The following KHDRBS2 variants were observed in gnomAD, a reference collection of about 807,000 sequenced individuals.
The protein encoded by KHDRBS2 is KH RNA binding domain containing, signal transduction associated 2.
In KHDRBS2, 26 loss-of-function variants were observed where a neutral mutation model predicts 44.3. The ratio of observed to expected loss-of-function variants is 0.59; its 90% CI spans 0.43 to 0.81. KHDRBS2 has a LOEUF of 0.81. KHDRBS2 is among the 40% of genes least tolerant of loss of function. KHDRBS2 has a pLI of 0.00. For synonymous variants in KHDRBS2, 194 were observed against 151.1 expected (o/e 1.28, Z -2.08); for missense variants, 476 against 433.1 (o/e 1.10, Z -0.88).
At chr6:62,136,521 T>C (rs1811561625) in intron 2 of KHDRBS2, among the ~76,000 whole-genome samples, 1 of 152,250 alleles carries the variant, frequency 6.6e-6, no homozygotes, top group Non-Finnish European at 1.5e-5. Context: ...ATTATCTTAA[T>C]TTTGTATGAC....
chr6:61,744,252 CT>C (rs1776567244), intron 6 of KHDRBS2, among the ~76,000 whole-genome samples: 1 of 152,012 alleles, frequency 6.6e-6, no homozygotes, highest in South Asian at 2.1e-4. Flanking sequence ...AAAGCCAGGC[CT>C]TCATATTGGC....
chr6:61,557,963 G>C, the KHDRBS2 span, among the ~76,000 whole-genome samples: 1 of 151,896 alleles, frequency 6.6e-6, no homozygotes, highest in Admixed American at 6.6e-5. Flanking sequence ...ATCCTTTGAC[G>C]CTGTATCAGT....
At chr6:61,693,098 G>C (rs549366073) in intron 8 of KHDRBS2, among the ~76,000 whole-genome samples, 1 of 152,110 alleles carries the variant, frequency 6.6e-6, no homozygotes, top group Admixed American at 6.6e-5. Flanking sequence ...TTAAAATATT[G>C]TGTACCATTG....
chr6:61,823,748 A>T (rs1349842085), intron 6 of KHDRBS2, among the ~76,000 whole-genome samples: 1 of 152,116 alleles, frequency 6.6e-6, no homozygotes, highest in Non-Finnish European at 1.5e-5. Context: ...ATTTAAGATG[A>T]CCTTGTACCT....
intron 6 of KHDRBS2, among the ~76,000 whole-genome samples, chr6:61,858,999 A>T (rs1029316893): frequency 6.6e-6 from 1 of 151,976 alleles, no homozygotes; most frequent in African/African-American, 2.4e-5. Context: ...AGTTGTTCTC[A>T]ACAACACCAT....
At chr6:62,051,546 T>C (rs1245922769) in intron 2 of KHDRBS2, among the ~76,000 whole-genome samples, 1 of 151,960 alleles carries the variant, frequency 6.6e-6, no homozygotes, top group African/African-American at 2.4e-5. Context: ...TGAGAAAACA[T>C]AGGTTCAAAA....
intron 6 of KHDRBS2, among the ~76,000 whole-genome samples, chr6:61,812,933 G>A (rs567999205): frequency 2.6e-4 from 39 of 152,116 alleles, no homozygotes; most frequent in African/African-American, 9.4e-4. Flanking sequence ...TGTATGTTAA[G>A]ATCATGATAA....
chr6:61,787,721 A>G (rs570844370), intron 6 of KHDRBS2, among the ~76,000 whole-genome samples: 7 of 151,778 alleles, frequency 4.6e-5, no homozygotes, highest in African/African-American at 1.2e-4. Flanking sequence ...GAGTAATTGC[A>G]TATTTCCTGG....
At chr6:62,277,238 G>GAATCCC (rs1349566900) in intron 1 of KHDRBS2, among the ~76,000 whole-genome samples, 1 of 151,884 alleles carries the variant, frequency 6.6e-6, no homozygotes, top group Non-Finnish European at 1.5e-5. Context: ...ATATGTAGTT[G>GAATCCC]AATCCCCTAT....
intron 4 of KHDRBS2, among the ~76,000 whole-genome samples, chr6:61,948,758 C>T (rs952597829): frequency 6.6e-6 from 1 of 151,112 alleles, no homozygotes; most frequent in African/African-American, 2.4e-5. Context: ...AGTGATCCTC[C>T]ACCTCAGCCT....
At chr6:61,782,443 C>T (rs780119871) in intron 6 of KHDRBS2, among the ~76,000 whole-genome samples, 2 of 151,370 alleles carry the variant, frequency 1.3e-5, no homozygotes, top group Non-Finnish European at 1.5e-5. Flanking sequence ...TTTTGCAGTT[C>T]GAGTGGAATT....
At chr6:61,930,523 TAAAAAAAAAAAAAAAAAAAAAAGAAA>T (rs1304240972) in intron 4 of KHDRBS2, among the ~76,000 whole-genome samples, 43 of 39,216 alleles carry the variant, frequency 1.1e-3, no homozygotes, top group Middle Eastern at 0.038. Flanking sequence ...ATACCGCCCC[TAAAAAAAAAAAAAAAAAAAAAAGAAA>T]AAAAAAAAAA....
intron 2 of KHDRBS2, among the ~76,000 whole-genome samples, chr6:62,176,921 C>G (rs1429312051): frequency 3.3e-5 from 5 of 151,186 alleles, no homozygotes; most frequent in Non-Finnish European, 7.4e-5. Context: ...ATTGATATAT[C>G]ATTTATATTT....
chr6:61,570,192 G>A, the KHDRBS2 span, among the ~76,000 whole-genome samples: 1 of 152,018 alleles, frequency 6.6e-6, no homozygotes, highest in Admixed American at 6.6e-5. Flanking sequence ...ACAGGATATG[G>A]ATGAAAATTC....
At position 61,975,806 on chromosome 6, in the gene KHDRBS2, T is replaced by C. The variant is rs140809750; in HGVS notation, c.483+2260A>G. ...GGTTAGTGATACTACGTTCAAAATA[T>C]AGTAAGACTGCATGATAGAAGGTAA... On this transcript the variant is annotated intron_variant, in intron 4 of 8. Coordinates refer to ENST00000281156, the MANE Select transcript of KHDRBS2 (RefSeq NM_152688.4). 2.0e-3 allele frequency among the ~76,000 whole-genome samples: 310 copies of C among 152,266 alleles called. 3 individuals are homozygous for C. Among genetic ancestry groups the C allele is most frequent in the African/African-American group, 7.2e-3 (298 of 41,562 alleles).
the KHDRBS2 span, among the ~76,000 whole-genome samples, chr6:61,612,316 TA>T: frequency 2.0e-5 from 3 of 152,200 alleles, no homozygotes; most frequent in Non-Finnish European, 4.4e-5. Flanking sequence ...GGTCTTTTTA[TA>T]AAACTGTGGT....
chr6:61,847,799 T>C (rs949635732), intron 6 of KHDRBS2, among the ~76,000 whole-genome samples: 2 of 152,116 alleles, frequency 1.3e-5, no homozygotes, highest in African/African-American at 2.4e-5. Context: ...ATTTCTTCAA[T>C]AATCTGTAAG....
intron 7 of KHDRBS2, among the ~76,000 whole-genome samples, chr6:61,723,579 A>AC (rs1269855914): frequency 6.6e-6 from 1 of 152,120 alleles, no homozygotes; most frequent in Non-Finnish European, 1.5e-5. Flanking sequence ...ACAAACAAAA[A>AC]AACAACAATA....
chr6:61,960,674 C>G (rs942136253), intron 4 of KHDRBS2, among the ~76,000 whole-genome samples: 1 of 152,100 alleles, frequency 6.6e-6, no homozygotes, highest in African/African-American at 2.4e-5. Context: ...AATTCAGTTA[C>G]AGATAAATTA....
Sources: gnomAD v4.1 joint callset for allele counts (sites outside exome capture counted in the v4.1 genomes callset) on GRCh38, gnomAD v4.1.1 for gene constraint, MANE v1.5 for transcripts, NCBI Gene and HGNC (gene_info 2026-07-23, HGNC 2026-07-21) for gene names.